SOX6: variants seen among roughly 807,000 people sequenced by gnomAD.
SOX6 encodes transcription factor SOX-6.
A neutral mutation model predicts 97.8 loss-of-function variants in SOX6; 11 were observed. The ratio of observed to expected loss-of-function variants is 0.11; its 90% confidence interval spans 0.07 to 0.19. The LOEUF (loss-of-function observed/expected upper bound fraction) is 0.19, where lower values mean the gene tolerates loss of function less well. SOX6 is among the 10% of genes least tolerant of loss of function. SOX6 has a pLI of 1.00. For synonymous variants in SOX6, 360 were observed against 371.4 expected (o/e 0.97, Z 0.35); for missense variants, 810 against 1,039.5 (o/e 0.78, Z 3.04).
At chr11:16,051,069 C>T (rs1049155101) in intron 10 of SOX6, among the ~76,000 whole-genome samples, 1 of 151,878 alleles carries the variant, frequency 6.6e-6, no homozygotes, top group Non-Finnish European at 1.5e-5. Flanking sequence ...ACTAGATGAT[C>T]TCTAAGGTCT....
At chr11:16,556,661 T>G (rs1388618986) in intron 4 of SOX6, among the ~76,000 whole-genome samples, 1 of 151,798 alleles carries the variant, frequency 6.6e-6, no homozygotes, top group African/African-American at 2.4e-5. Context: ...GTAGTATGGC[T>G]TCACTTTCAT....
chr11:16,696,529 TCA>T lies in SOX6; in HGVS notation n.429+18299_429+18300del, dbSNP rs3065365. ...AAGCGAATGTCACAAAAAAAGTGAGTCACATGAATTTTTTTTGCTTTTTGTTT... is the reference window on the plus strand; with the variant it reads ...AAGCGAATGTCACAAAAAAAGTGAGTCATGAATTTTTTTTGCTTTTTGTTT... On this transcript the variant is annotated intron_variant and non_coding_transcript_variant, in intron 3 of 5. Coordinates refer to the SOX6 transcript ENST00000524520. 3.1e-3 allele frequency among the ~76,000 whole-genome samples: 471 copies of T among 152,286 alleles called. 4 individuals carry two copies. Among genetic ancestry groups the T allele is most frequent in the African/African-American group, 0.011 (444 of 41,560 alleles).
At chr11:16,530,770 T>C (rs1861226205) in intron 4 of SOX6, among the ~76,000 whole-genome samples, 1 of 151,722 alleles carries the variant, frequency 6.6e-6, no homozygotes, top group African/African-American at 2.4e-5. Context: ...TTGTCTATAA[T>C]CTAATCTCCT....
intron 3 of SOX6, among the ~76,000 whole-genome samples, chr11:16,245,372 C>A (rs1298413823): frequency 1.3e-5 from 2 of 151,522 alleles, no homozygotes; most frequent in Non-Finnish European, 3.0e-5. Flanking sequence ...GGGGATGTTC[C>A]TTATTCCCTT....
intron 2 of SOX6, among the ~76,000 whole-genome samples, chr11:16,730,412 A>G (rs1848340740): frequency 6.6e-6 from 1 of 152,230 alleles, no homozygotes; most frequent in African/African-American, 2.4e-5. Context: ...GACCCAGTGC[A>G]GTCAAATTAG....
chr11:16,525,991 C>T (rs1861156664), intron 4 of SOX6, among the ~76,000 whole-genome samples: 1 of 152,174 alleles, frequency 6.6e-6, no homozygotes, highest in African/African-American at 2.4e-5. Context: ...ACTACAGGTG[C>T]TGGAGAGGAT....
chr11:16,403,835 T>A lies in SOX6; in HGVS notation c.-4-62583A>T, dbSNP rs1336868848. ...TTTTTTCCTTTCCCACTTTTGAACT[T>A]CTTTGGTTAAAAAAAAAAGAATTAA... On this transcript the variant is annotated intron_variant, in intron 1 of 15. Coordinates refer to the SOX6 transcript ENST00000396356. 5.9e-5 allele frequency among the ~76,000 whole-genome samples: 9 copies of A among 151,610 alleles called. No homozygotes were observed. The East Asian group carries it at 1.6e-3, about 26-fold the overall frequency.
intron 9 of SOX6, among the ~76,000 whole-genome samples, chr11:16,059,408 A>G (rs541180647): frequency 6.6e-6 from 1 of 152,018 alleles, no homozygotes; most frequent in Non-Finnish European, 1.5e-5. Flanking sequence ...ATCATCAACC[A>G]CGGAGAAAAT....
At chr11:16,615,469 C>A (rs1342334977) in intron 3 of SOX6, among the ~76,000 whole-genome samples, 3 of 152,166 alleles carry the variant, frequency 2.0e-5, no homozygotes, top group Non-Finnish European at 4.4e-5. Flanking sequence ...AAAACTGGAA[C>A]ACAAATCACA....
At chr11:16,729,087 T>G (rs1256972777) in intron 2 of SOX6, among the ~76,000 whole-genome samples, 1 of 151,894 alleles carries the variant, frequency 6.6e-6, no homozygotes, top group Non-Finnish European at 1.5e-5. Context: ...TATGTGAAAA[T>G]ACCAAACCTA....
intron 2 of SOX6, among the ~76,000 whole-genome samples, chr11:16,716,168 G>A (rs746563193): frequency 3.9e-5 from 6 of 152,176 alleles, no homozygotes; most frequent in East Asian, 1.9e-4. Flanking sequence ...CCTAGGAAGC[G>A]GAGGTCGCAG....
chr11:16,037,873 A>C (rs1855559016), intron 12 of SOX6, among the ~76,000 whole-genome samples: 1 of 152,196 alleles, frequency 6.6e-6, no homozygotes, highest in African/African-American at 2.4e-5. Flanking sequence ...AACTTAAGCT[A>C]GCCATGACAA....
chr11:16,541,049 T>C (rs1001056667), intron 4 of SOX6, among the ~76,000 whole-genome samples: 9 of 152,218 alleles, frequency 5.9e-5, no homozygotes, highest in African/African-American at 2.2e-4. Flanking sequence ...GATGGAAGCA[T>C]CACACTACCT....
chr11:15,996,931 T>C (rs577588425), intron 13 of SOX6, among the ~76,000 whole-genome samples: 26 of 151,928 alleles, frequency 1.7e-4, no homozygotes, highest in Non-Finnish European at 2.6e-4. Context: ...TAAAGACAAC[T>C]TACAAAGCCA....
At chr11:16,083,112 T>C (rs1848506076) in intron 9 of SOX6, among the ~76,000 whole-genome samples, 1 of 152,222 alleles carries the variant, frequency 6.6e-6, no homozygotes, top group Non-Finnish European at 1.5e-5. Context: ...CCATGAAGAT[T>C]GCCAGTACTT....
intron 6 of SOX6, among the ~76,000 whole-genome samples, chr11:16,147,796 T>C (rs1450823119): frequency 1.3e-5 from 2 of 152,210 alleles, no homozygotes; most frequent in Non-Finnish European, 2.9e-5. Flanking sequence ...ACTACTCTGA[T>C]GTTCCAGGTC....
chr11:16,459,876 A>G (rs1001179182), intron 1 of SOX6, among the ~76,000 whole-genome samples: 1 of 152,006 alleles, frequency 6.6e-6, no homozygotes, highest in African/African-American at 2.4e-5. Flanking sequence ...CATGTATAAT[A>G]TGGAGGGGCA....
At chr11:16,472,941 A>G (rs576470779) in intron 1 of SOX6, among the ~76,000 whole-genome samples, 3 of 152,202 alleles carry the variant, frequency 2.0e-5, no homozygotes, top group Non-Finnish European at 4.4e-5. Context: ...GTTTACAACA[A>G]TGTATACATA....
At chr11:16,054,957 G>C (rs1847777123) in intron 10 of SOX6, among the ~76,000 whole-genome samples, 1 of 152,160 alleles carries the variant, frequency 6.6e-6, no homozygotes, top group African/African-American at 2.4e-5. Flanking sequence ...CCAGTTTCAA[G>C]ACGCTGAAAA....
Sources: gnomAD v4.1 joint callset for allele counts (sites outside exome capture counted in the v4.1 genomes callset) on GRCh38, gnomAD v4.1.1 for gene constraint, MANE v1.5 for transcripts, NCBI Gene and HGNC (gene_info 2026-07-23, HGNC 2026-07-21) for gene names.